Variants in CREB5 observed in about 807,000 individuals in gnomAD.
CREB5 encodes the protein cyclic AMP-responsive element-binding protein 5.
In CREB5, 19 loss-of-function variants were observed where a neutral mutation model predicts 57.1. That is an observed-to-expected ratio of 0.33 (90% CI 0.23 to 0.49). The LOEUF is 0.49. Ranked by LOEUF, CREB5 falls within the 20% of genes least tolerant of loss-of-function variation. The pLI, the probability that CREB5 is intolerant of heterozygous loss-of-function variation, is 0.99. For missense variants in CREB5, 579 were observed against 671.6 expected (o/e 0.86, Z 1.52); for synonymous variants, 238 against 238.3 (o/e 1.00, Z 0.01).
intron 6 of CREB5, 108 bp from the exon 7 acceptor site, chr7:28,724,114 T>C (rs1307037214): frequency 1.1e-6 from 1 of 930,648 alleles, no homozygotes; most frequent in Non-Finnish European, 1.6e-6. Flanking sequence ...CTTCTCAGGA[T>C]TTCTTCAAAG....
chr7:28,612,127 T>C (rs538747927), intron 5 of CREB5, among the ~76,000 whole-genome samples: 1 of 152,262 alleles, frequency 6.6e-6, no homozygotes, highest in Admixed American at 6.5e-5. Context: ...GACTTAGCTC[T>C]CCAGGTAGCA....
At chr7:28,454,877 A>G (rs1317605401) in intron 1 of CREB5, among the ~76,000 whole-genome samples, 1 of 152,188 alleles carries the variant, frequency 6.6e-6, no homozygotes, top group East Asian at 1.9e-4. Flanking sequence ...TGGAGAGCAG[A>G]GTATACTGGT....
chr7:28,451,348 T>C (rs1207857172), intron 1 of CREB5, among the ~76,000 whole-genome samples: 1 of 152,164 alleles, frequency 6.6e-6, no homozygotes, highest in Non-Finnish European at 1.5e-5. Flanking sequence ...AGTCTTTCTG[T>C]GGTTTGGGCA....
chr7:28,722,228 G>A (rs1268115450), intron 6 of CREB5, among the ~76,000 whole-genome samples: 1 of 152,166 alleles, frequency 6.6e-6, no homozygotes, highest in African/African-American at 2.4e-5. Flanking sequence ...TCCAGAAGCT[G>A]TAAGCAGGCT....
intron 4 of CREB5, among the ~76,000 whole-genome samples, chr7:28,527,666 A>T (rs372489932): frequency 2.0e-5 from 3 of 152,284 alleles, no homozygotes; most frequent in African/African-American, 7.2e-5. Context: ...AAAAGTTTTT[A>T]AAAAATTAGC....
chr7:28,724,236 GTCAGTGAAC>G lies in CREB5; in HGVS notation c.609_617del (p.Val204_Ser206del), dbSNP rs2035146038. ...CTTTCTCTTAGATGGAGCGACAAAT[GTCAGTGAAC>G]TCCAGCATCATGGGGATGCAAGGTC... On this transcript the variant is annotated inframe_deletion, in exon 7 of 11. Transcript: ENST00000357727. The G allele has an allele frequency of 1.2e-6, 2 of 1,613,112 alleles. No homozygotes were observed. Among genetic ancestry groups the G allele is most frequent in the African/African-American group, 2.7e-5 (2 of 75,016 alleles).
chr7:28,370,145 T>G (rs1373515543), intron 1 of CREB5, among the ~76,000 whole-genome samples: 1 of 152,212 alleles, frequency 6.6e-6, no homozygotes, highest in Non-Finnish European at 1.5e-5. Context: ...GAAGGGTAAG[T>G]ATTTACATTT....
At chr7:28,341,197 A>G (rs568845642) in intron 1 of CREB5, among the ~76,000 whole-genome samples, 19 of 152,258 alleles carry the variant, frequency 1.2e-4, no homozygotes, top group Non-Finnish European at 1.5e-4. Flanking sequence ...CTATTCAGCC[A>G]TCTTGCTCCA....
At chr7:28,643,751 T>TCC (rs5883161) in intron 5 of CREB5, among the ~76,000 whole-genome samples, 1 of 133,530 alleles carries the variant, frequency 7.5e-6, no homozygotes, top group East Asian at 2.1e-4. Context: ...GTTTGGGAGG[T>TCC]GGGGGGGGGC....
intron 7 of CREB5, among the ~76,000 whole-genome samples, chr7:28,739,959 G>A (rs1230038040): frequency 2.0e-5 from 3 of 152,108 alleles, no homozygotes; most frequent in East Asian, 1.9e-4. Context: ...GATCTCATTC[G>A]GCCGTGCCAA....
intron 5 of CREB5, among the ~76,000 whole-genome samples, chr7:28,581,209 A>T (rs1292964708): frequency 6.6e-6 from 1 of 152,158 alleles, no homozygotes; most frequent in Non-Finnish European, 1.5e-5. Context: ...AATGTGTTTA[A>T]CCTTCTTGCA....
chr7:28,590,647 T>G (rs1796469934), intron 5 of CREB5, among the ~76,000 whole-genome samples: 1 of 149,934 alleles, frequency 6.7e-6, no homozygotes, highest in Non-Finnish European at 1.5e-5. Flanking sequence ...CTGCACGTTG[T>G]GCGCATGTAC....
At position 28,460,972 on chromosome 7, in the gene CREB5, T is replaced by C. The variant is rs73297194; in HGVS notation, c.4-27203T>C. On this transcript the variant is annotated intron_variant, in intron 1 of 10. Coordinates refer to ENST00000357727, the MANE Select transcript of CREB5 (RefSeq NM_182898.4). ...CTACTCAGAAGGCAGGAGGATTGCTTGTGCCCAGGAGTTTGAAACCAGCCT... is the reference window on the plus strand; with the variant it reads ...CTACTCAGAAGGCAGGAGGATTGCTCGTGCCCAGGAGTTTGAAACCAGCCT... Among the ~76,000 whole-genome samples the C allele has an allele frequency of 3.9e-3, 589 of 152,156 alleles. 3 individuals are homozygous for C. The highest frequency in any genetic ancestry group is 0.014 in the African/African-American group (567 of 41,504).
At chr7:28,677,863 T>G (rs1205775324) in intron 5 of CREB5, among the ~76,000 whole-genome samples, 1 of 151,950 alleles carries the variant, frequency 6.6e-6, no homozygotes, top group Non-Finnish European at 1.5e-5. Context: ...CACTCCAGCC[T>G]GGGCAATGCA....
Position 28,488,193 on chromosome 7 carries a change from A to G in CREB5, c.22A>G (p.Met8Val). The stretch of plus-strand genomic sequence containing the variant: ...CCTTCAGATTTATGAGGAATCCAAG[A>G]TGAATTTGGAGCAGGAGAGGCCGTT... MIYEESK[M>V]NLEQERPFVC... The change falls in exon 2 of 11, where the codon ATG (methionine) becomes GTG (valine). Residue 8 changes from methionine (M) to valine (V), a missense_variant. Met to Val is a conservative substitution (Grantham distance 21, BLOSUM62 1). Transcript: ENST00000357727. 6.2e-7 allele frequency: 1 copy of G among 1,613,852 alleles called. No individual in the cohort carries two copies. Among genetic ancestry groups the G allele is most frequent in the Non-Finnish European group, 8.5e-7 (1 of 1,179,842 alleles).
intron 1 of CREB5, among the ~76,000 whole-genome samples, chr7:28,318,145 A>G (rs1277349345): frequency 6.6e-6 from 1 of 152,222 alleles, no homozygotes; most frequent in Non-Finnish European, 1.5e-5. Context: ...CTAGAATTTT[A>G]AGTTTGGAAT....
At chr7:28,728,992 C>T (rs1444037524) in intron 7 of CREB5, among the ~76,000 whole-genome samples, 2 of 151,968 alleles carry the variant, frequency 1.3e-5, no homozygotes, top group African/African-American at 2.4e-5. Flanking sequence ...AGTTGAGCAT[C>T]AGTACTAAAT....
At chr7:28,618,502 C>T (rs769304250) in intron 5 of CREB5, among the ~76,000 whole-genome samples, 2 of 152,174 alleles carry the variant, frequency 1.3e-5, no homozygotes, top group Non-Finnish European at 2.9e-5. Context: ...ATAGGCTCCC[C>T]TGAGTAGCCA....
At chr7:28,620,896 A>T (rs60526500) in intron 5 of CREB5, among the ~76,000 whole-genome samples, 2,917 of 152,320 alleles carry the variant, frequency 0.019, 102 homozygotes, top group African/African-American at 0.067. Flanking sequence ...TACTTGCTGG[A>T]ATTAACATTT....
Sources: gnomAD v4.1 joint callset for allele counts (sites outside exome capture counted in the v4.1 genomes callset) on GRCh38, gnomAD v4.1.1 for gene constraint, MANE v1.5 for transcripts, NCBI Gene and HGNC (gene_info 2026-07-23, HGNC 2026-07-21) for gene names.